Variants in SLC12A2 observed in about 807,000 individuals in gnomAD.
SLC12A2 encodes the protein Na-K-2Cl cotransporter 1.
A neutral mutation model predicts 136.3 loss-of-function variants in SLC12A2; 67 were observed. That is an observed-to-expected ratio of 0.49 (90% CI 0.40 to 0.60). SLC12A2 has a LOEUF of 0.60. SLC12A2 is among the 20% of genes least tolerant of loss of function. The pLI is 0.00. For missense variants in SLC12A2, 1,322 were observed against 1,534.7 expected (o/e 0.86, Z 2.32); for synonymous variants, 619 against 562.9 (o/e 1.10, Z -1.41).
chr5:128,086,214 C>T (rs1242179823), intron 1 of SLC12A2, among the ~76,000 whole-genome samples: 1 of 152,134 alleles, frequency 6.6e-6, no homozygotes, highest in Non-Finnish European at 1.5e-5. Flanking sequence ...ATATGTTGAG[C>T]TTATATGCTT....
chr5:128,181,934 C>T (rs72794401), intron 23 of SLC12A2, among the ~76,000 whole-genome samples: 31,754 of 146,960 alleles, frequency 0.22, 3,566 homozygotes, highest in East Asian at 0.33. Flanking sequence ...ATTTTCCCCC[C>T]ACTTACCCCC....
intron 1 of SLC12A2, among the ~76,000 whole-genome samples, chr5:128,088,532 T>A (rs1286596718): frequency 1.3e-5 from 2 of 151,416 alleles, no homozygotes; most frequent in African/African-American, 4.8e-5. Context: ...AAAGCATTAT[T>A]AAAGTAGTTT....
chr5:128,103,653 G>A (rs141053185), intron 1 of SLC12A2, among the ~76,000 whole-genome samples: 182 of 152,220 alleles, frequency 1.2e-3, no homozygotes, highest in South Asian at 4.1e-3. Context: ...CAATATGTTA[G>A]GTGTTTTGGG....
intron 1 of SLC12A2, among the ~76,000 whole-genome samples, chr5:128,109,251 G>C (rs1377613289): frequency 6.6e-6 from 1 of 152,232 alleles, no homozygotes; most frequent in Non-Finnish European, 1.5e-5. Context: ...GTTCTTGGCC[G>C]GGTCAGCAGA....
Position 128,135,751 on chromosome 5 carries a change from A to T in SLC12A2, c.1351A>T (p.Ile451Leu). 6.2e-7 allele frequency: 1 copy of T among 1,612,874 alleles called. No homozygotes were observed. Among genetic ancestry groups the T allele is most frequent in the Non-Finnish European group, 8.5e-7 (1 of 1,179,112 alleles). Residue 451 changes from isoleucine to leucine, a missense_variant, in exon 7 of 27, where the codon ATA (isoleucine) becomes TTA (leucine). Ile to Leu is a conservative substitution (Grantham distance 5). This residue lies in a region of SLC12A2 where 110 missense variants were observed against 114.5 expected (regional missense o/e 0.96). Transcript: ENST00000262461. ...ILLLAIGDFV[I>L]GTFIPLESKK... Reference sequence around the variant, plus strand: ...ACTTCTTGCTATTGGTGATTTCGTCATAGGAACATTTATCCCACTGGAGAG... The same window carrying T: ...ACTTCTTGCTATTGGTGATTTCGTCTTAGGAACATTTATCCCACTGGAGAG...
At chr5:128,147,819 C>T in intron 11 of SLC12A2, 90 bp downstream of exon 11, 2 of 748,248 alleles carry the variant, frequency 2.7e-6, no homozygotes, top group Non-Finnish European at 4.6e-6. Flanking sequence ...AAATTATTTG[C>T]TTCTATCAAC....
Position 128,180,984 on chromosome 5 carries a change from G to A in SLC12A2, c.3202G>A (p.Asp1068Asn), listed in dbSNP as rs1281046043. 1.3e-6 allele frequency: 2 copies of A among 1,585,326 alleles called. No individual in the cohort carries two copies. The highest frequency in any genetic ancestry group is 8.7e-7 in the Non-Finnish European group (1 of 1,154,440). ...TGGAAAGATAAACAGAATAGACCAT[G>A]ACCGGAGAGCGTAAGTTTATTTCAC... ...IGGKINRIDH[D>N]RRAMATLLSK... is the part of the protein sequence containing the mutation. Residue 1068 changes from aspartate to asparagine, a missense_variant, in exon 23 of 27, where the codon GAC (aspartate) becomes AAC (asparagine). Around this residue, in one of 8 missense-constraint regions of SLC12A2, gnomAD observed 172 missense variants for 227.4 expected, o/e 0.76. Coordinates refer to ENST00000262461, the MANE Select transcript of SLC12A2 (RefSeq NM_001046.3).
chr5:128,176,073 C>T (rs925541005), intron 20 of SLC12A2, among the ~76,000 whole-genome samples: 4 of 151,984 alleles, frequency 2.6e-5, no homozygotes, highest in Non-Finnish European at 5.9e-5. Flanking sequence ...GAATTAGAGA[C>T]ATTAGTGTGT....
chr5:128,110,057 C>T, intron 1 of SLC12A2: 1 of 1,000,218 alleles, frequency 1.0e-6, no homozygotes, highest in Non-Finnish European at 1.6e-6. Context: ...GCCTGTGTCA[C>T]TACACCTTAA....
In SLC12A2 at chr5:128,187,630, CA is replaced by C. The variant is rs577783017; in HGVS notation, c.*1002del. On this transcript the variant is annotated 3_prime_UTR_variant, in exon 27 of 27. Transcript: ENST00000262461. ...ATAAGTCATTAAAATAATGTTTCAT[CA>C]AATGGTTAAATGGACCACTGGTTTC... 13 of 152,600 alleles carry C rather than the reference CA, an allele frequency of 8.5e-5. 2 individuals are homozygous for C. The South Asian group carries it at 2.7e-3, about 32-fold the overall frequency. 9.5% of individuals were successfully genotyped at this position (152,600 alleles called of 1,614,324 possible). A position where few individuals can be genotyped will look rare whatever the true frequency, so the allele number is the denominator to read the frequency against.
chr5:128,140,062 G>A (rs539009621), intron 9 of SLC12A2, among the ~76,000 whole-genome samples: 30 of 152,164 alleles, frequency 2.0e-4, no homozygotes, highest in African/African-American at 6.5e-4. Flanking sequence ...GCAGTGGCTC[G>A]ATCTTGGCTC....
chr5:128,119,540 A>G (rs891084923), intron 4 of SLC12A2, among the ~76,000 whole-genome samples: 1 of 152,152 alleles, frequency 6.6e-6, no homozygotes, highest in Non-Finnish European at 1.5e-5. Flanking sequence ...GTAGATATGC[A>G]GCATTATTTC....
intron 1 of SLC12A2, among the ~76,000 whole-genome samples, chr5:128,101,496 C>T (rs752248414): frequency 2.0e-5 from 3 of 152,042 alleles, no homozygotes; most frequent in Admixed American, 1.3e-4. Context: ...TGGACTTTAA[C>T]ATTTTTGAAA....
At chr5:128,160,488 C>T (rs751056048) in intron 16 of SLC12A2, among the ~76,000 whole-genome samples, 1 of 151,900 alleles carries the variant, frequency 6.6e-6, no homozygotes, top group African/African-American at 2.4e-5. Flanking sequence ...TAAATATCTC[C>T]GGGGGAAGTA....
chr5:128,097,423 A>G (rs1760585274), intron 1 of SLC12A2, among the ~76,000 whole-genome samples: 1 of 151,972 alleles, frequency 6.6e-6, no homozygotes, highest in African/African-American at 2.4e-5. Flanking sequence ...TTGCCATTTC[A>G]TGCTCTTTGT....
intron 18 of SLC12A2, 59 bp downstream of exon 18, chr5:128,167,926 T>G (rs770688901): frequency 3.2e-4 from 333 of 1,032,338 alleles, no homozygotes; most frequent in Non-Finnish European, 4.0e-4. Context: ...TTTTGAAAGC[T>G]TGTCCTAATT....
intron 1 of SLC12A2, among the ~76,000 whole-genome samples, chr5:128,089,669 G>A (rs1421006976): frequency 2.0e-5 from 3 of 152,186 alleles, no homozygotes; most frequent in Non-Finnish European, 1.5e-5. Flanking sequence ...ACTAGCATCT[G>A]TATAAGTGTT....
intron 1 of SLC12A2, among the ~76,000 whole-genome samples, chr5:128,095,321 GT>G (rs11342191): frequency 0.31 from 47,189 of 151,876 alleles, 8,768 homozygotes; most frequent in African/African-American, 0.51. Context: ...GAGTAGGTGG[GT>G]TTTTTTAGAA....
intron 1 of SLC12A2, among the ~76,000 whole-genome samples, chr5:128,102,582 ACC>A (rs34780928): frequency 0.61 from 53,126 of 87,136 alleles, 17,077 homozygotes; most frequent in Non-Finnish European, 0.66. Flanking sequence ...TCTGTAATTC[ACC>A]CCCCCCCCCG....
Sources: gnomAD v4.1 joint callset for allele counts (sites outside exome capture counted in the v4.1 genomes callset) on GRCh38, gnomAD v4.1.1 for gene constraint, gnomAD v4.1.1 regional missense constraint, MANE v1.5 for transcripts, NCBI Gene and HGNC (gene_info 2026-07-23, HGNC 2026-07-21) for gene names.